PURG: variants seen among roughly 807,000 people sequenced by gnomAD.
The protein encoded by PURG is purine-rich element-binding protein gamma.
PURG carries 3 observed loss-of-function variants against 24.3 expected under a neutral mutation model. The ratio of observed to expected loss-of-function variants is 0.12; its 90% CI spans 0.06 to 0.32. The LOEUF is 0.32. Among genes scored for constraint, PURG ranks in the 10% least tolerant of loss-of-function variants. The pLI, the probability that PURG is intolerant of heterozygous loss-of-function variation, is 1.00. For synonymous variants in PURG, 180 were observed against 173.1 expected (o/e 1.04, Z -0.31); for missense variants, 371 against 439.1 (o/e 0.84, Z 1.39).
intron 1 of PURG, among the ~76,000 whole-genome samples, chr8:31,019,822 T>C (rs981185829): frequency 2.7e-5 from 4 of 147,326 alleles, no homozygotes; most frequent in Non-Finnish European, 4.5e-5. Context: ...TGAGCCACCA[T>C]GTCTGGCCCA....
In PURG at chr8:31,025,342, G is replaced by A. The variant is rs1811070759; in HGVS notation, c.864+6577C>T. 4.6e-5 allele frequency among the ~76,000 whole-genome samples: 7 copies of A among 151,778 alleles called. No homozygotes were observed. The South Asian group carries it at 1.5e-3, about 31-fold the overall frequency. ...ATTATTCAGCATGAAAATAAAGGGA[G>A]CAAACTTTTATGCTTTTAAAATATG... On this transcript the variant is annotated intron_variant, in intron 1 of 1. Coordinates refer to the PURG transcript ENST00000339382.
At chr8:30,997,976 TTACAC>T (rs2129763354) in intron 1 of PURG, among the ~76,000 whole-genome samples, 1 of 151,670 alleles carries the variant, frequency 6.6e-6, no homozygotes, top group South Asian at 2.1e-4. Flanking sequence ...TGTTTTAGAA[TTACAC>T]TAAAAAATCT....
At position 31,024,767 on chromosome 8, in the gene PURG, A is replaced by C. The variant is rs190954014; in HGVS notation, c.864+7152T>G. Among the ~76,000 whole-genome samples the C allele has an allele frequency of 1.4e-4, 21 of 152,218 alleles. No individual in the cohort carries two copies. In the East Asian group the frequency reaches 3.9e-3, roughly 28 times the overall value. The stretch of plus-strand genomic sequence containing the variant: ...CCTGACTTTAATCAGATCAAGTAAG[A>C]TAATCAGATTTATACCATTATTTTG... On this transcript the variant is annotated intron_variant, in intron 1 of 1. Transcript: ENST00000339382.
At chr8:30,998,204 T>C (rs1810465997) in intron 1 of PURG, among the ~76,000 whole-genome samples, 1 of 151,842 alleles carries the variant, frequency 6.6e-6, no homozygotes, top group Admixed American at 6.6e-5. Flanking sequence ...AGTCTTGTTA[T>C]CACATATACT....
At chr8:31,014,867 A>T in intron 1 of PURG, among the ~76,000 whole-genome samples, 1 of 152,240 alleles carries the variant, frequency 6.6e-6, no homozygotes, top group Non-Finnish European at 1.5e-5. Context: ...TGAGATCCAT[A>T]GGTCTCAAGA....
chr8:31,000,591 C>T (rs889054074), intron 1 of PURG, among the ~76,000 whole-genome samples: 3 of 152,052 alleles, frequency 2.0e-5, no homozygotes, highest in Non-Finnish European at 2.9e-5. Flanking sequence ...CTAAACTCTG[C>T]GGTGTAGTGC....
intron 1 of PURG, among the ~76,000 whole-genome samples, chr8:31,009,638 T>G (rs1001413687): frequency 1.3e-5 from 2 of 152,236 alleles, no homozygotes; most frequent in East Asian, 3.8e-4. Context: ...CTAACATGTA[T>G]TATTTCGATT....
chr8:31,002,774 G>A (rs1810564368), intron 1 of PURG, among the ~76,000 whole-genome samples: 1 of 152,144 alleles, frequency 6.6e-6, no homozygotes, highest in Non-Finnish European at 1.5e-5. Context: ...GTGAGCCACC[G>A]TGCCCGGCCG....
rs1206785807 is a variant in PURG, at chr8:31,020,914, C to T, written c.864+11005G>A. The stretch of plus-strand genomic sequence containing the variant: ...TATTCTTGGTCTTCTCCCCACCTCA[C>T]CAGTCCTACTGAACAGAAACTCTGA... On this transcript the variant is annotated intron_variant, in intron 1 of 1. Coordinates refer to the PURG transcript ENST00000339382. Among the ~76,000 whole-genome samples the T allele has an allele frequency of 5.9e-5, 9 of 152,314 alleles. No individual in the cohort carries two copies. In the South Asian group the frequency reaches 1.7e-3, roughly 28 times the overall value.
exon 2 of PURG, chr8:30,996,492 G>A: frequency 1.3e-6 from 1 of 769,904 alleles, no homozygotes; most frequent in East Asian, 2.5e-5. Context: ...CCCTTCCGTG[G>A]AGGAATGTCA....
chr8:31,031,847 C>T lies in PURG; in HGVS notation c.936G>A (p.Glu312=), dbSNP rs1328633312. The T allele has an allele frequency of 1.2e-6, 2 of 1,600,804 alleles. No individual in the cohort carries two copies. The highest frequency in any genetic ancestry group is 1.7e-6 in the Non-Finnish European group (2 of 1,172,842). The change falls in exon 2 of 2, where the codon GAG becomes GAA. Residue 312 remains glutamate, a synonymous_variant. Transcript: ENST00000523392. Reference sequence around the variant, plus strand: ...TCTCTTCTTCATACTTGATAAAATTCTCCCCAAACCTTGTCCAAGCTTTGA... The same window carrying T: ...TCTCTTCTTCATACTTGATAAAATTTTCCCCAAACCTTGTCCAAGCTTTGA... ...VPFKAWTRFG[E]NFIKYEEEMR...
chr8:31,018,519 T>G (rs1432844017), intron 1 of PURG, among the ~76,000 whole-genome samples: 1 of 152,236 alleles, frequency 6.6e-6, no homozygotes, highest in Non-Finnish European at 1.5e-5. Context: ...CTACTCAAAG[T>G]ATAATTCTAA....
At chr8:31,019,857 G>A (rs1039943838) in intron 1 of PURG, among the ~76,000 whole-genome samples, 1 of 150,658 alleles carries the variant, frequency 6.6e-6, no homozygotes, top group African/African-American at 2.4e-5. Flanking sequence ...AAAGCAGTGA[G>A]TTCAATTGCT....
chr8:31,021,113 T>C (rs1810980526), intron 1 of PURG, among the ~76,000 whole-genome samples: 2 of 152,154 alleles, frequency 1.3e-5, no homozygotes, highest in South Asian at 2.1e-4. Flanking sequence ...TAATTAAATA[T>C]GAAAATGAGT....
intron 1 of PURG, among the ~76,000 whole-genome samples, chr8:31,019,147 A>G: frequency 2.2e-5 from 1 of 45,604 alleles, no homozygotes; most frequent in East Asian, 6.3e-4. Context: ...AAAAAAAAAA[A>G]AAAAAAAAAA....
At chr8:31,002,802 C>T (rs545868079) in intron 1 of PURG, among the ~76,000 whole-genome samples, 16 of 152,192 alleles carry the variant, frequency 1.1e-4, no homozygotes, top group African/African-American at 3.6e-4. Context: ...TTTTATCTTT[C>T]TAACATTAAA....
chr8:31,029,939 A>G (rs1811162972), downstream of PURG, among the ~76,000 whole-genome samples: 1 of 151,952 alleles, frequency 6.6e-6, no homozygotes. Context: ...GTTGTTCCAT[A>G]GTGATCCAGA....
At chr8:31,006,433 A>G (rs12544050) in intron 1 of PURG, among the ~76,000 whole-genome samples, 20,197 of 152,104 alleles carry the variant, frequency 0.13, 1,457 homozygotes, top group Admixed American at 0.2. Context: ...GTCTCTACTA[A>G]AAATATAAAA....
chr8:31,000,504 C>A (rs1419607046), intron 1 of PURG, among the ~76,000 whole-genome samples: 1 of 152,124 alleles, frequency 6.6e-6, no homozygotes, highest in African/African-American at 2.4e-5. Flanking sequence ...CCTCAAAATT[C>A]TATTGTTCAG....
Sources: allele counts gnomAD v4.1 joint callset (sites outside exome capture counted in the v4.1 genomes callset), GRCh38; gene constraint gnomAD v4.1.1; transcripts MANE v1.5; gene names NCBI Gene and HGNC (gene_info 2026-07-23, HGNC 2026-07-21).